Variants in MOB3B observed in about 807,000 individuals in gnomAD.
MOB3B encodes MOB kinase activator 3B.
Under a neutral mutation model 18.7 loss-of-function variants are expected in MOB3B, and 7 were observed. The ratio of observed to expected loss-of-function variants is 0.37; its 90% CI spans 0.21 to 0.70. The LOEUF is 0.70. MOB3B is among the 30% of genes least tolerant of loss of function. The probability of loss-of-function intolerance (pLI) is 0.52; values close to 1 mark genes in which losing one functional copy is unlikely to be tolerated. For missense variants in MOB3B, 253 were observed against 281.3 expected (o/e 0.90, Z 0.72); for synonymous variants, 111 against 99.9 (o/e 1.11, Z -0.66).
chr9:27,329,024 C>T lies in MOB3B; in HGVS notation c.*1563G>A, dbSNP rs1383244941. On this transcript the variant is annotated 3_prime_UTR_variant, in exon 4 of 4. Transcript: ENST00000262244. ...AGGTCAACAGAGAATGCCACTGTACCCACAGAGACAGCCCTTTCTTAGCTT... is the reference window on the plus strand; with the variant it reads ...AGGTCAACAGAGAATGCCACTGTACTCACAGAGACAGCCCTTTCTTAGCTT... 1 of 152,390 alleles carries T rather than the reference C, an allele frequency of 6.6e-6. No individual in the cohort carries two copies. The highest frequency in any genetic ancestry group is 1.5e-5 in the Non-Finnish European group (1 of 68,016). 9.4% of individuals were successfully genotyped at this position (152,390 alleles called of 1,614,324 possible). A position where few individuals can be genotyped will look rare whatever the true frequency, so the allele number is the denominator to read the frequency against.
At chr9:27,396,542 T>C (rs1053725010) in intron 2 of MOB3B, among the ~76,000 whole-genome samples, 4 of 152,196 alleles carry the variant, frequency 2.6e-5, no homozygotes, top group Non-Finnish European at 4.4e-5. Context: ...ATGTACCTTG[T>C]TTTTTCTTCC....
At position 27,327,295 on chromosome 9, in the gene MOB3B, T is replaced by C. The variant is rs1820727264; in HGVS notation, c.*3292A>G. 4 of 152,218 alleles carry C rather than the reference T, an allele frequency of 2.6e-5. No homozygotes were observed. The South Asian group carries it at 8.3e-4, about 32-fold the overall frequency. The allele number at this position is 152,218 out of a possible 1,614,324, so 9.4% of individuals were successfully genotyped here. A position where few individuals can be genotyped will look rare whatever the true frequency, so the allele number is the denominator to read the frequency against. The stretch of plus-strand genomic sequence containing the variant: ...AATTTCAGAGCTTAATAATGAATTA[T>C]GGAACTTGATAATGATTGGATCAGG... On this transcript the variant is annotated 3_prime_UTR_variant, in exon 4 of 4. Coordinates refer to ENST00000262244, the MANE Select transcript of MOB3B (RefSeq NM_024761.5).
intron 2 of MOB3B, among the ~76,000 whole-genome samples, chr9:27,366,749 G>T (rs1253926866): frequency 6.6e-6 from 1 of 152,174 alleles, no homozygotes; most frequent in African/African-American, 2.4e-5. Context: ...GTGGTCTGAA[G>T]AGTAAGAACC....
chr9:27,423,372 A>G (rs1178794288), intron 2 of MOB3B, among the ~76,000 whole-genome samples: 1 of 149,574 alleles, frequency 6.7e-6, no homozygotes, highest in Non-Finnish European at 1.5e-5. Context: ...GCCCCCATAC[A>G]TGACTTTTTT....
chr9:27,524,213 G>T, intron 1 of MOB3B: 15 of 664,272 alleles, frequency 2.3e-5, no homozygotes, highest in East Asian at 4.3e-5. Context: ...TTGGTTAACT[G>T]TGAAATGACG....
intron 2 of MOB3B, among the ~76,000 whole-genome samples, chr9:27,419,168 T>C (rs1822202874): frequency 6.6e-6 from 1 of 150,640 alleles, no homozygotes; most frequent in Admixed American, 6.6e-5. Flanking sequence ...GACACAAACA[T>C]ATGGAAACTC....
chr9:27,527,050 C>CCCT (rs397696617), intron 1 of MOB3B, among the ~76,000 whole-genome samples: 1 of 152,108 alleles, frequency 6.6e-6, no homozygotes, highest in African/African-American at 2.4e-5. Context: ...ATATCTCCCC[C>CCCT]TTTTACATTC....
chr9:27,485,869 C>T (rs553484988), intron 1 of MOB3B, among the ~76,000 whole-genome samples: 1 of 152,330 alleles, frequency 6.6e-6, no homozygotes, highest in South Asian at 2.1e-4. Flanking sequence ...AACACTATTG[C>T]TAACCACATA....
At position 27,455,347 on chromosome 9, in the gene MOB3B, G is replaced by A; in HGVS notation, c.204C>T (p.Phe68=). 1 of 1,614,096 alleles carries A rather than the reference G, an allele frequency of 6.2e-7. No individual in the cohort carries two copies. The highest frequency in any genetic ancestry group is 8.5e-7 in the Non-Finnish European group (1 of 1,180,014). Residue 68 remains phenylalanine, a synonymous_variant, in exon 2 of 4, where the codon TTC becomes TTT. Coordinates refer to ENST00000262244, the MANE Select transcript of MOB3B (RefSeq NM_024761.5). ...TGCCATAGATGAGGTTGATCCGATT[G>A]AAGAAGTCCACCACATGTACTGCCA... ...DWVAVHVVDF[F]NRINLIYGTI...
At chr9:27,509,405 A>C (rs1202655689) in intron 1 of MOB3B, among the ~76,000 whole-genome samples, 1 of 152,168 alleles carries the variant, frequency 6.6e-6, no homozygotes, top group Non-Finnish European at 1.5e-5. Flanking sequence ...CAACAAATTA[A>C]TTAATTAGTT....
At chr9:27,447,178 T>C (rs1169935027) in intron 2 of MOB3B, among the ~76,000 whole-genome samples, 1 of 152,128 alleles carries the variant, frequency 6.6e-6, no homozygotes, top group Non-Finnish European at 1.5e-5. Context: ...TGACATCATA[T>C]AAGTATCTGC....
Position 27,506,535 on chromosome 9 carries a change from C to CT in MOB3B, c.-199+23019dup, listed in dbSNP as rs5897235. ...CTTTAATTATGTCAACTTATTTAAT[C>CT]TTTTTTTTTTTTTTGAGACGGAGTC... On this transcript the variant is annotated intron_variant, in intron 1 of 3. Coordinates refer to ENST00000262244, the MANE Select transcript of MOB3B (RefSeq NM_024761.5). 7.3e-3 allele frequency among the ~76,000 whole-genome samples: 1,015 copies of CT among 138,246 alleles called. 15 individuals are homozygous for CT. Among genetic ancestry groups the CT allele is most frequent in the African/African-American group, 0.024 (943 of 38,542 alleles). 90.7% of individuals were successfully genotyped at this position (138,246 alleles called of 152,430 possible).
chr9:27,414,927 T>A (rs1822123190), intron 2 of MOB3B, among the ~76,000 whole-genome samples: 1 of 152,208 alleles, frequency 6.6e-6, no homozygotes, highest in South Asian at 2.1e-4. Context: ...AGTGGTGCGA[T>A]CTTGGCTCAC....
chr9:27,341,025 C>T (rs891437124), intron 3 of MOB3B, among the ~76,000 whole-genome samples: 1 of 152,226 alleles, frequency 6.6e-6, no homozygotes, highest in Non-Finnish European at 1.5e-5. Flanking sequence ...CCCAATGCCC[C>T]CTGTAGGGTT....
chr9:27,498,496 G>C (rs955960214), intron 1 of MOB3B, among the ~76,000 whole-genome samples: 15 of 152,192 alleles, frequency 9.9e-5, no homozygotes, highest in African/African-American at 3.6e-4. Flanking sequence ...AAACTTAAAA[G>C]AAAGTAGAGG....
chr9:27,468,484 C>A (rs1381670506), intron 1 of MOB3B, among the ~76,000 whole-genome samples: 1 of 152,230 alleles, frequency 6.6e-6, no homozygotes. Flanking sequence ...GCAGAGGGAA[C>A]AAGGTACCAA....
intron 1 of MOB3B, among the ~76,000 whole-genome samples, chr9:27,469,981 C>G (rs1819446524): frequency 6.6e-6 from 1 of 151,954 alleles, no homozygotes; most frequent in Admixed American, 6.6e-5. Flanking sequence ...TGGCACACAC[C>G]TATGGTCCCA....
chr9:27,464,490 T>C (rs1819346280), intron 1 of MOB3B, among the ~76,000 whole-genome samples: 1 of 152,224 alleles, frequency 6.6e-6, no homozygotes, highest in South Asian at 2.1e-4. Context: ...ATATCCACCA[T>C]GCCCTCCCAC....
rs1280398082 is a variant in MOB3B at position 27,328,132 on chromosome 9, G to A, written c.*2455C>T. 1 of 151,754 alleles carries A rather than the reference G, an allele frequency of 6.6e-6. No individual in the cohort carries two copies. Among genetic ancestry groups the A allele is most frequent in the East Asian group, 1.9e-4 (1 of 5,184 alleles). The allele number at this position is 151,754 out of a possible 1,614,324, so 9.4% of individuals were successfully genotyped here. A position where few individuals can be genotyped will look rare whatever the true frequency, so the allele number is the denominator to read the frequency against. On this transcript the variant is annotated 3_prime_UTR_variant, in exon 4 of 4. Coordinates refer to ENST00000262244, the MANE Select transcript of MOB3B (RefSeq NM_024761.5). ...AACTGATGCACTAAAGGACATAAGGGTACTCACTATAATCTTTCAACTTTG... is the reference window on the plus strand; with the variant it reads ...AACTGATGCACTAAAGGACATAAGGATACTCACTATAATCTTTCAACTTTG...
Sources: allele counts gnomAD v4.1 joint callset (sites outside exome capture counted in the v4.1 genomes callset), GRCh38; gene constraint gnomAD v4.1.1; transcripts MANE v1.5; gene names NCBI Gene and HGNC (gene_info 2026-07-23, HGNC 2026-07-21).